Variants in TANGO6 observed in about 807,000 individuals in gnomAD.
TANGO6 encodes the protein transport and Golgi organization protein 6 homolog.
Under a neutral mutation model 114.2 loss-of-function variants are expected in TANGO6, and 90 were observed. That is an observed-to-expected ratio of 0.79 (90% CI 0.66 to 0.94). The LOEUF (loss-of-function observed/expected upper bound fraction) is 0.94, where lower values mean the gene tolerates loss of function less well. Among genes scored for constraint, TANGO6 ranks in the 40% least tolerant of loss-of-function variants. The pLI is 0.00. For synonymous variants in TANGO6, 477 were observed against 509.8 expected, an observed-to-expected ratio of 0.94 and a Z score of 0.87; for missense variants, 1,274 against 1,315.3, an observed-to-expected ratio of 0.97 and a Z score of 0.49.
intron 17 of TANGO6, among the ~76,000 whole-genome samples, chr16:69,072,070 G>GTGTGTGT (rs1567570612): frequency 1.2e-5 from 1 of 84,198 alleles, no homozygotes; most frequent in African/African-American, 5.9e-5. Flanking sequence ...TGTGTGTGTA[G>GTGTGTGT]AGAGAGGGAG....
At chr16:69,015,645 A>G (rs1959283487) in intron 15 of TANGO6, among the ~76,000 whole-genome samples, 1 of 151,442 alleles carries the variant, frequency 6.6e-6, no homozygotes, top group Non-Finnish European at 1.5e-5. Context: ...CCACGCCCAG[A>G]TAATTTTTTG....
intron 11 of TANGO6, among the ~76,000 whole-genome samples, chr16:68,915,017 A>G (rs1597017832): frequency 6.8e-6 from 1 of 147,662 alleles, no homozygotes; most frequent in African/African-American, 2.5e-5. Flanking sequence ...ATAGTGGAGG[A>G]TGGGCGCAGT....
chr16:68,932,177 G>A (rs1446835560), intron 14 of TANGO6, among the ~76,000 whole-genome samples: 5 of 152,026 alleles, frequency 3.3e-5, no homozygotes, highest in African/African-American at 9.6e-5. Flanking sequence ...TGCAACCTCC[G>A]CCTCCCGGGT....
chr16:68,958,505 A>AAAAG (rs1555525468), intron 14 of TANGO6, among the ~76,000 whole-genome samples: 13 of 146,176 alleles, frequency 8.9e-5, no homozygotes, highest in African/African-American at 2.1e-4. Flanking sequence ...AAAAAAAAAA[A>AAAAG]AGAGAGAGGA....
chr16:69,069,621 T>C (rs1176923113), intron 17 of TANGO6, among the ~76,000 whole-genome samples: 1 of 152,180 alleles, frequency 6.6e-6, no homozygotes, highest in African/African-American at 2.4e-5. Context: ...ATTATTTCGG[T>C]GTATAACTTG....
At chr16:68,903,647 C>T (rs1380269977) in intron 9 of TANGO6, among the ~76,000 whole-genome samples, 5 of 146,288 alleles carry the variant, frequency 3.4e-5, no homozygotes, top group South Asian at 2.2e-4. Flanking sequence ...AAGGACCAGG[C>T]GTGGTGGCTC....
chr16:69,067,333 AC>A, intron 17 of TANGO6, among the ~76,000 whole-genome samples: 1 of 150,370 alleles, frequency 6.7e-6, no homozygotes, highest in Admixed American at 6.7e-5. Context: ...ACATGGTGAA[AC>A]CCCATCTCTA....
At chr16:68,871,516 T>G (rs1198298217) in intron 4 of TANGO6, among the ~76,000 whole-genome samples, 1 of 152,222 alleles carries the variant, frequency 6.6e-6, no homozygotes, top group Non-Finnish European at 1.5e-5. Context: ...TTCTGAGATT[T>G]GAATGACACC....
At chr16:68,948,353 C>CA (rs1963437883) in intron 14 of TANGO6, 4 of 152,066 alleles carry the variant, frequency 2.6e-5, no homozygotes, top group Non-Finnish European at 5.9e-5. Flanking sequence ...ATGTGCTAGT[C>CA]ACAGCAACCC....
chr16:68,863,355 C>A (rs1299750904), intron 3 of TANGO6, among the ~76,000 whole-genome samples: 1 of 152,138 alleles, frequency 6.6e-6, no homozygotes, highest in Admixed American at 6.5e-5. Flanking sequence ...CGCCTGTAAT[C>A]CCAGCACTTT....
In TANGO6 at chr16:68,867,018, C is replaced by T. The variant is rs550832461; in HGVS notation, c.853-61C>T. The stretch of plus-strand genomic sequence containing the variant: ...TTTTTTTTACAGGCATGAGCCACTA[C>T]GCCCGGCCATCATATCTATTTCAGT... On this transcript the variant is annotated intron_variant, in intron 3 of 17. Transcript: ENST00000261778. 3.1e-3 allele frequency: 3,203 copies of T among 1,048,208 alleles called. 8 individuals carry two copies. The highest frequency in any genetic ancestry group is 4.0e-3 in the Non-Finnish European group (2,978 of 746,460). 64.9% of individuals were successfully genotyped at this position (1,048,208 alleles called of 1,614,324 possible).
intron 2 of TANGO6, among the ~76,000 whole-genome samples, chr16:68,861,586 C>G (rs1193838062): frequency 6.6e-6 from 1 of 152,096 alleles, no homozygotes; most frequent in Non-Finnish European, 1.5e-5. Context: ...GTTGACAGGT[C>G]TTATTACTGT....
intron 17 of TANGO6, among the ~76,000 whole-genome samples, chr16:69,047,540 C>T (rs1398396029): frequency 6.6e-6 from 1 of 151,836 alleles, no homozygotes; most frequent in Non-Finnish European, 1.5e-5. Context: ...GGACCCTAAT[C>T]TTACATTTCC....
intron 16 of TANGO6, among the ~76,000 whole-genome samples, chr16:69,032,886 A>G (rs1959621554): frequency 1.3e-5 from 2 of 150,846 alleles, no homozygotes; most frequent in South Asian, 4.2e-4. Context: ...AAAAAAAAAA[A>G]AAAAAGAAAG....
At position 68,930,252 on chromosome 16, in the gene TANGO6, C is replaced by T. The variant is rs974703567; in HGVS notation, c.2658C>T (p.Asn886=). ...QEKLLKIFLE[N]LEHEDTFVYL... ...TGTGGTTCCAGATATTCTTGGAAAA[C>T]TTGGAACATGAAGACACTTTTGTAT... The change falls in exon 14 of 18, where the codon AAC becomes AAT. Residue 886 remains asparagine (N), a synonymous_variant. Coordinates refer to ENST00000261778, the MANE Select transcript of TANGO6 (RefSeq NM_024562.2). The T allele has an allele frequency of 3.9e-6, 6 of 1,553,908 alleles. No individual in the cohort carries two copies. Among genetic ancestry groups the T allele is most frequent in the African/African-American group, 1.4e-5 (1 of 73,342 alleles).
chr16:69,034,756 A>C (rs1475434494), intron 16 of TANGO6: 2 of 152,166 alleles, frequency 1.3e-5, no homozygotes, highest in Admixed American at 6.6e-5. Flanking sequence ...CTGGTCGGGA[A>C]GGAATATAAA....
chr16:68,927,636 C>T lies in TANGO6; in HGVS notation c.2196C>T (p.Tyr732=). ...LPLLEKVSNT[Y]PDPVIQELAV... ...TGTTGGAGAAGGTATCCAACACATA[C>T]CCTGATCCGGTCATCCAAGAACTCG... Residue 732 remains tyrosine, a synonymous_variant, in exon 13 of 18, where the codon TAC becomes TAT. Coordinates refer to ENST00000261778, the MANE Select transcript of TANGO6 (RefSeq NM_024562.2). 6.2e-7 allele frequency: 1 copy of T among 1,613,992 alleles called. No homozygotes were observed. Among genetic ancestry groups the T allele is most frequent in the Non-Finnish European group, 8.5e-7 (1 of 1,179,888 alleles).
chr16:68,935,756 C>T (rs966483371), intron 14 of TANGO6, among the ~76,000 whole-genome samples: 2 of 152,186 alleles, frequency 1.3e-5, no homozygotes, highest in African/African-American at 4.8e-5. Context: ...TATATTCTTT[C>T]TTCACTGTTT....
intron 5 of TANGO6, among the ~76,000 whole-genome samples, chr16:68,876,682 G>GT (rs1330287661): frequency 9.2e-5 from 14 of 152,022 alleles, no homozygotes. Flanking sequence ...TTGGCCAAGC[G>GT]TGGTGGTGCA....
Sources: allele counts gnomAD v4.1 joint callset (sites outside exome capture counted in the v4.1 genomes callset), GRCh38; gene constraint gnomAD v4.1.1; transcripts MANE v1.5; gene names NCBI Gene and HGNC (gene_info 2026-07-23, HGNC 2026-07-21).